Variants in COL13A1 observed in about 807,000 individuals in gnomAD.
COL13A1 encodes the protein collagen type XIII alpha 1 chain.
A neutral mutation model predicts 130.9 loss-of-function variants in COL13A1; 89 were observed. The ratio of observed to expected loss-of-function variants is 0.68; its 90% CI spans 0.57 to 0.81. The LOEUF is 0.81. Among genes scored for constraint, COL13A1 ranks in the 30% least tolerant of loss-of-function variants. COL13A1 has a pLI of 0.00. For synonymous variants in COL13A1, 402 were observed against 341.6 expected (o/e 1.18, Z -1.95); for missense variants, 879 against 934.6 (o/e 0.94, Z 0.78).
At position 69,802,736 on chromosome 10, in the gene COL13A1, T is replaced by A; in HGVS notation, c.294+19T>A. 6.2e-7 allele frequency: 1 copy of A among 1,608,562 alleles called. No homozygotes were observed. Among genetic ancestry groups the A allele is most frequent in the Non-Finnish European group, 8.5e-7 (1 of 1,177,866 alleles). ...GGACGAGGTCTGTGCTCTTTGTTGC[T>A]GGCTTTTATCCCTCCCCGCGGCGCC... On this transcript the variant is annotated intron_variant, in intron 1 of 40. Transcript: ENST00000645393.
chr10:69,880,171 G>A (rs2059987532), intron 6 of COL13A1, among the ~76,000 whole-genome samples: 1 of 151,942 alleles, frequency 6.6e-6, no homozygotes, highest in Non-Finnish European at 1.5e-5. Context: ...CGCTTCCCCG[G>A]CCTGGGGTCC....
chr10:69,822,985 G>C (rs749741676), intron 2 of COL13A1, among the ~76,000 whole-genome samples: 4 of 152,242 alleles, frequency 2.6e-5, no homozygotes, highest in Non-Finnish European at 5.9e-5. Context: ...ACAAGCCAAA[G>C]GTCGCAAGGT....
At chr10:69,864,943 T>G (rs1859395430) in intron 2 of COL13A1, among the ~76,000 whole-genome samples, 1 of 152,156 alleles carries the variant, frequency 6.6e-6, no homozygotes, top group Non-Finnish European at 1.5e-5. Context: ...ACAATCTTCA[T>G]AGTTCTCCCT....
At chr10:69,880,862 C>G (rs982209239) in intron 7 of COL13A1, among the ~76,000 whole-genome samples, 1 of 152,242 alleles carries the variant, frequency 6.6e-6, no homozygotes, top group African/African-American at 2.4e-5. Flanking sequence ...AGGGCTCGCT[C>G]TCCTCCGGAT....
At chr10:69,917,134 G>A (rs575417087) in intron 17 of COL13A1, among the ~76,000 whole-genome samples, 155 bp from the exon 18 acceptor site, 91 of 152,262 alleles carry the variant, frequency 6.0e-4, no homozygotes, top group African/African-American at 2.0e-3. Context: ...GAGGACAGGG[G>A]CCCACACAGC....
chr10:69,851,857 G>A (rs1161768030), intron 2 of COL13A1, among the ~76,000 whole-genome samples: 6 of 152,132 alleles, frequency 3.9e-5, no homozygotes, highest in African/African-American at 1.2e-4. Flanking sequence ...GTTTTGCCAC[G>A]TTGGCCAGGC....
At chr10:69,894,519 G>T in intron 10 of COL13A1, 33 bp from the exon 11 acceptor site, 1 of 1,613,044 alleles carries the variant, frequency 6.2e-7, no homozygotes, top group Non-Finnish European at 8.5e-7. Flanking sequence ...TCTTCTGTCT[G>T]CCCACTGACC....
intron 2 of COL13A1, among the ~76,000 whole-genome samples, chr10:69,835,415 G>A (rs1849789411): frequency 6.6e-6 from 1 of 151,980 alleles, no homozygotes; most frequent in African/African-American, 2.4e-5. Context: ...CCACTCCCTC[G>A]ATGACTACCC....
intron 30 of COL13A1, chr10:69,931,016 T>C: frequency 2.8e-6 from 1 of 351,420 alleles, no homozygotes; most frequent in Non-Finnish European, 5.8e-6. Context: ...TCTCTGGGTC[T>C]CAGGGGTTTC....
chr10:69,880,868 C>T (rs1035080197), intron 7 of COL13A1, among the ~76,000 whole-genome samples: 20 of 152,346 alleles, frequency 1.3e-4, no homozygotes, highest in African/African-American at 4.6e-4. Flanking sequence ...CGCTCTCCTC[C>T]GGATGGGGTG....
chr10:69,838,026 G>A (rs1456189927), intron 2 of COL13A1, among the ~76,000 whole-genome samples: 6 of 152,226 alleles, frequency 3.9e-5, no homozygotes, highest in Non-Finnish European at 7.3e-5. Context: ...GTCACCCAGT[G>A]AACACAGGAG....
At chr10:69,809,171 G>A (rs1310914923) in intron 1 of COL13A1, among the ~76,000 whole-genome samples, 1 of 152,190 alleles carries the variant, frequency 6.6e-6, no homozygotes, top group Non-Finnish European at 1.5e-5. Flanking sequence ...TGTGACCTGA[G>A]CCTCAGTACC....
intron 13 of COL13A1, among the ~76,000 whole-genome samples, chr10:69,895,912 C>T (rs1272544663): frequency 6.6e-6 from 1 of 152,142 alleles, no homozygotes; most frequent in Non-Finnish European, 1.5e-5. Context: ...GCACATGGCC[C>T]CCTGTGGCAG....
chr10:69,818,511 C>T (rs1006240494), intron 1 of COL13A1, among the ~76,000 whole-genome samples: 6 of 152,184 alleles, frequency 3.9e-5, no homozygotes, highest in South Asian at 2.1e-4. Context: ...GCACAGAAAG[C>T]GAGTTATCAA....
intron 1 of COL13A1, among the ~76,000 whole-genome samples, chr10:69,811,505 A>G (rs1024706514): frequency 2.0e-5 from 3 of 152,176 alleles, no homozygotes; most frequent in African/African-American, 7.2e-5. Context: ...GAATAGCTTC[A>G]TCCACCTCCC....
chr10:69,865,313 G>A (rs569138268), intron 2 of COL13A1, among the ~76,000 whole-genome samples: 1 of 152,316 alleles, frequency 6.6e-6, no homozygotes, highest in Admixed American at 6.5e-5. Context: ...TGACATCAAG[G>A]CACTGCTAGA....
intron 5 of COL13A1, chr10:69,877,702 CACACACACA>C (rs2059733457): frequency 1.1e-4 from 1 of 8,814 alleles, no homozygotes; most frequent in African/African-American, 2.9e-4. Flanking sequence ...CTCTCTCTCA[CACACACACA>C]CACACACACA....
intron 13 of COL13A1, among the ~76,000 whole-genome samples, chr10:69,896,532 C>T (rs549576487): frequency 1.6e-4 from 24 of 152,338 alleles, no homozygotes; most frequent in African/African-American, 5.8e-4. Flanking sequence ...CCACCCCTGC[C>T]AGGCAGGTCC....
At chr10:69,896,954 T>A (rs1374987007) in intron 13 of COL13A1, among the ~76,000 whole-genome samples, 1 of 151,698 alleles carries the variant, frequency 6.6e-6, no homozygotes, top group Admixed American at 6.6e-5. Flanking sequence ...AAAGACAACA[T>A]CCCCCAGCAC....
Sources: allele counts gnomAD v4.1 joint callset (sites outside exome capture counted in the v4.1 genomes callset), GRCh38; gene constraint gnomAD v4.1.1; transcripts MANE v1.5; gene names NCBI Gene and HGNC (gene_info 2026-07-23, HGNC 2026-07-21).